The following NRG3 variants were observed in gnomAD, a reference collection of about 807,000 sequenced individuals.
NRG3 encodes neuregulin 3.
NRG3 carries 31 observed loss-of-function variants against 66.9 expected under a neutral mutation model. That is an observed-to-expected ratio of 0.46 (90% confidence interval 0.35 to 0.63). NRG3 has a LOEUF of 0.63. Ranked by LOEUF, NRG3 falls within the 20% of genes least tolerant of loss-of-function variation. NRG3 has a pLI of 0.00. For synonymous variants in NRG3, 393 were observed against 359.4 expected, an observed-to-expected ratio of 1.09 and a Z score of -1.06; for missense variants, 910 against 878.9, an observed-to-expected ratio of 1.04 and a Z score of -0.45.
intron 2 of NRG3, among the ~76,000 whole-genome samples, chr10:82,641,272 C>A (rs1199140207): frequency 1.3e-5 from 2 of 151,984 alleles, no homozygotes; most frequent in Non-Finnish European, 2.9e-5. Context: ...ATTTTAGAAA[C>A]TTTTTTGTCA....
At chr10:82,652,112 A>T (rs554400025) in intron 2 of NRG3, among the ~76,000 whole-genome samples, 8 of 152,306 alleles carry the variant, frequency 5.3e-5, no homozygotes, top group African/African-American at 1.9e-4. Context: ...GGGAGGAAGC[A>T]TGCAGGTGAG....
intron 6 of NRG3, among the ~76,000 whole-genome samples, chr10:82,966,172 G>A (rs1851189748): frequency 6.6e-6 from 1 of 152,044 alleles, no homozygotes; most frequent in Non-Finnish European, 1.5e-5. Context: ...CCACATGTTG[G>A]CATTCTCACA....
At chr10:82,461,437 T>C (rs572401355) in intron 2 of NRG3, among the ~76,000 whole-genome samples, 4 of 152,294 alleles carry the variant, frequency 2.6e-5, no homozygotes, top group Non-Finnish European at 5.9e-5. Context: ...TTTTTCTGTT[T>C]CTGGCTCAGA....
At chr10:82,442,831 A>G (rs113541032) in intron 2 of NRG3, among the ~76,000 whole-genome samples, 167 of 118,544 alleles carry the variant, frequency 1.4e-3, no homozygotes, top group African/African-American at 5.4e-3. Context: ...AATAAGATAC[A>G]TCGAGGAGGC....
chr10:81,968,161 A>G (rs1564698501), intron 1 of NRG3, among the ~76,000 whole-genome samples: 1 of 152,216 alleles, frequency 6.6e-6, no homozygotes, highest in Non-Finnish European at 1.5e-5. Context: ...GTTTTGGGCA[A>G]GGAGAATAAC....
At chr10:82,195,790 G>T (rs2074415825) in intron 1 of NRG3, among the ~76,000 whole-genome samples, 1 of 152,184 alleles carries the variant, frequency 6.6e-6, no homozygotes, top group Non-Finnish European at 1.5e-5. Flanking sequence ...AAGTAAACCA[G>T]AGAGGCAAGA....
intron 4 of NRG3, among the ~76,000 whole-genome samples, chr10:82,869,492 G>A (rs1841080309): frequency 6.6e-6 from 1 of 151,934 alleles, no homozygotes; most frequent in African/African-American, 2.4e-5. Flanking sequence ...ATCCTACAGA[G>A]TAGGTTTACT....
intron 2 of NRG3, among the ~76,000 whole-genome samples, chr10:82,408,254 T>G (rs1295449151): frequency 6.6e-6 from 1 of 152,042 alleles, no homozygotes; most frequent in East Asian, 1.9e-4. Flanking sequence ...GAAGGCCTTT[T>G]GAGAGGATGC....
In NRG3 at chr10:81,962,280, A is replaced by C. The variant is rs112879743; in HGVS notation, c.823+86117A>C. ...CATTGGTTATTAAATGAACTATAAA[A>C]TATCACACTGGGCCTGCCAGTAGAA... is the stretch of plus-strand genomic sequence containing the variant. On this transcript the variant is annotated intron_variant, in intron 1 of 8. Transcript: ENST00000372141. Among the ~76,000 whole-genome samples the C allele has an allele frequency of 3.9e-3, 598 of 152,322 alleles. 2 individuals carry two copies. Among genetic ancestry groups the C allele is most frequent in the African/African-American group, 0.013 (560 of 41,578 alleles).
rs557322054 is a variant in NRG3, at chr10:82,951,084, G to C, written c.1055-385G>C. Among the ~76,000 whole-genome samples, 50 of 152,294 alleles carry C rather than the reference G, an allele frequency of 3.3e-4. No homozygotes were observed. In the South Asian group the frequency reaches 0.01, roughly 31 times the overall value. On this transcript the variant is annotated intron_variant, in intron 4 of 8. Coordinates refer to ENST00000372141, the MANE Select transcript of NRG3 (RefSeq NM_001010848.4). ...CATCAGCACCACAGAAGGTAAATTA[G>C]AAGGCATCACTGCCACAGGAAAGCT...
At chr10:81,906,583 T>C (rs1264860533) in intron 1 of NRG3, among the ~76,000 whole-genome samples, 1 of 152,034 alleles carries the variant, frequency 6.6e-6, no homozygotes, top group African/African-American at 2.4e-5. Flanking sequence ...CAATGTGACA[T>C]AGAGTGGAGC....
chr10:81,922,859 A>G (rs186190632), intron 1 of NRG3, among the ~76,000 whole-genome samples: 375 of 152,352 alleles, frequency 2.5e-3, no homozygotes, highest in Non-Finnish European at 4.1e-3. Context: ...TTGCTTAAAA[A>G]GAGCCTCAGG....
chr10:82,237,269 T>G (rs1030691094), intron 1 of NRG3, among the ~76,000 whole-genome samples: 19 of 152,160 alleles, frequency 1.2e-4, no homozygotes, highest in African/African-American at 4.3e-4. Flanking sequence ...ATTTTATGCC[T>G]CCTCCTTGTA....
chr10:82,379,567 G>A (rs2085476029), intron 2 of NRG3, among the ~76,000 whole-genome samples: 1 of 152,082 alleles, frequency 6.6e-6, no homozygotes, highest in African/African-American at 2.4e-5. Flanking sequence ...TATATGCGGT[G>A]CATAGGCTAT....
Position 82,393,943 on chromosome 10 carries a change from G to T in NRG3, c.953+35075G>T, listed in dbSNP as rs2086553769. On this transcript the variant is annotated intron_variant, in intron 2 of 8. Transcript: ENST00000372141. The stretch of plus-strand genomic sequence containing the variant: ...TGTGTGGTCAGAGATTCTTCCATGT[G>T]CCTGCCAAGTGATTATTCACCTTTT... Among the ~76,000 whole-genome samples, 4 of 152,222 alleles carry T rather than the reference G, an allele frequency of 2.6e-5. No homozygotes were observed. The South Asian group carries it at 8.3e-4, about 32-fold the overall frequency.
chr10:82,250,947 A>G (rs1278882122), intron 1 of NRG3, among the ~76,000 whole-genome samples: 1 of 152,246 alleles, frequency 6.6e-6, no homozygotes, highest in Admixed American at 6.5e-5. Flanking sequence ...GCAGTCTTGT[A>G]TATTTGACTG....
chr10:82,832,918 C>CAA (rs2062599845), intron 3 of NRG3, among the ~76,000 whole-genome samples: 1 of 151,890 alleles, frequency 6.6e-6, no homozygotes, highest in South Asian at 2.1e-4. Context: ...TACAACTTTA[C>CAA]AATCTTCTCA....
intron 1 of NRG3, among the ~76,000 whole-genome samples, chr10:82,120,126 A>G (rs1008418717): frequency 6.6e-6 from 1 of 152,142 alleles, no homozygotes; most frequent in Middle Eastern, 3.2e-3. Context: ...TTTGCCTAAA[A>G]TTACCCAGCC....
chr10:81,945,842 G>A (rs73306535), intron 1 of NRG3, among the ~76,000 whole-genome samples: 1,950 of 152,208 alleles, frequency 0.013, 48 homozygotes, highest in African/African-American at 0.045. Flanking sequence ...GTGCACAGAC[G>A]TGCACTCAGG....
Sources: gnomAD v4.1 joint callset for allele counts (sites outside exome capture counted in the v4.1 genomes callset) on GRCh38, gnomAD v4.1.1 for gene constraint, MANE v1.5 for transcripts, NCBI Gene and HGNC (gene_info 2026-07-23, HGNC 2026-07-21) for gene names.